The following SRGAP1 variants were observed in gnomAD, a reference collection of about 807,000 sequenced individuals.
The protein encoded by SRGAP1 is SLIT-ROBO Rho GTPase activating protein 1.
In SRGAP1, 43 loss-of-function variants were observed where a neutral mutation model predicts 121.9. The observed-to-expected ratio is 0.35, with a 90% CI of 0.28 to 0.46. SRGAP1 has a LOEUF of 0.46. SRGAP1 is among the 20% of genes least tolerant of loss of function. The pLI is 1.00. For missense variants in SRGAP1, 1,102 were observed against 1,350.9 expected (o/e 0.82, Z 2.89); for synonymous variants, 447 against 485.4 (o/e 0.92, Z 1.04).
intron 3 of SRGAP1, among the ~76,000 whole-genome samples, chr12:64,009,527 C>T (rs1245083023): frequency 6.6e-6 from 1 of 152,106 alleles, no homozygotes; most frequent in Non-Finnish European, 1.5e-5. Context: ...GACTATGCAC[C>T]TTTCAAATTG....
chr12:64,065,190 C>T lies in SRGAP1; in HGVS notation c.1096C>T (p.Leu366Phe), dbSNP rs2035516384. The T allele has an allele frequency of 6.2e-7, 1 of 1,613,474 alleles. No individual in the cohort carries two copies. The highest frequency in any genetic ancestry group is 1.3e-5 in the African/African-American group (1 of 74,902). The change falls in exon 8 of 22, where the codon CTT becomes TTT. Residue 366 changes from leucine to phenylalanine, a missense_variant. This residue lies in a region of SRGAP1 where 747 missense variants were observed against 929.4 expected (regional missense o/e 0.80). Coordinates refer to ENST00000355086, the MANE Select transcript of SRGAP1 (RefSeq NM_020762.4). ...CAGGTACCAACAGTTGCAGTCCCGCCTTGCCACGCTCAAAATCGAGAATGA... is the reference window on the plus strand; with the variant it reads ...CAGGTACCAACAGTTGCAGTCCCGCTTTGCCACGCTCAAAATCGAGAATGA... ...MLRYQQLQSRLATLKIENEEV... is the reference protein window; with the variant it reads ...MLRYQQLQSRFATLKIENEEV...
At chr12:63,913,545 C>A (rs923204875) in intron 1 of SRGAP1, among the ~76,000 whole-genome samples, 13 of 145,954 alleles carry the variant, frequency 8.9e-5, no homozygotes, top group Non-Finnish European at 1.6e-4. Flanking sequence ...TATATATATA[C>A]ACACATATGT....
intron 1 of SRGAP1, among the ~76,000 whole-genome samples, chr12:63,949,186 T>TATTTTTTCCATATATATA (rs57672780): frequency 8.0e-6 from 1 of 124,330 alleles, no homozygotes; most frequent in Non-Finnish European, 1.7e-5. Context: ...TCCATATATA[T>TATTTTTTCCATATATATA]TTTTTTTTCC....
chr12:63,924,358 C>T (rs1349721978), intron 1 of SRGAP1, among the ~76,000 whole-genome samples: 2 of 152,118 alleles, frequency 1.3e-5, no homozygotes, highest in Non-Finnish European at 2.9e-5. Flanking sequence ...CCTCTCATCC[C>T]AACCTAATAG....
rs115328126 is a variant in SRGAP1, at chr12:64,147,440, G to A, written c.*4768G>A. The A allele has an allele frequency of 0.02, 2,067 of 105,746 alleles. 44 individuals carry two copies. Among genetic ancestry groups the A allele is most frequent in the African/African-American group, 0.067 (1,909 of 28,360 alleles). 6.6% of individuals were successfully genotyped at this position (105,746 alleles called of 1,614,324 possible). The stretch of plus-strand genomic sequence containing the variant: ...CCTGTCCCCCACCTTCCCCATCCCC[G>A]CCTTCCTGTGCCTCGGTGCTCAGTA... On this transcript the variant is annotated 3_prime_UTR_variant, in exon 22 of 22. Coordinates refer to ENST00000355086, the MANE Select transcript of SRGAP1 (RefSeq NM_020762.4).
rs1484596304 is a variant in SRGAP1, at chr12:64,150,312, A to T, written c.*7640A>T. 6.6e-6 allele frequency: 1 copy of T among 152,174 alleles called. No homozygotes were observed. The highest frequency in any genetic ancestry group is 1.5e-5 in the Non-Finnish European group (1 of 68,028). The allele number at this position is 152,174 out of a possible 1,614,324, so 9.4% of individuals were successfully genotyped here. A position where few individuals can be genotyped will look rare whatever the true frequency, so the allele number is the denominator to read the frequency against. Reference sequence around the variant, plus strand: ...ATTTGCGATCCAATTCTGGCGACTTATGGATGGATCCTTCACACCCAACAG... The same window carrying T: ...ATTTGCGATCCAATTCTGGCGACTTTTGGATGGATCCTTCACACCCAACAG... On this transcript the variant is annotated 3_prime_UTR_variant, in exon 22 of 22. Transcript: ENST00000355086.
chr12:64,003,563 T>G (rs2033980501), intron 3 of SRGAP1, among the ~76,000 whole-genome samples: 1 of 151,272 alleles, frequency 6.6e-6, no homozygotes, highest in Non-Finnish European at 1.5e-5. Context: ...AAAAATTCAT[T>G]AGATAGACTC....
intron 2 of SRGAP1, among the ~76,000 whole-genome samples, chr12:63,987,139 C>T (rs768797518): frequency 5.9e-5 from 9 of 152,138 alleles, no homozygotes; most frequent in Non-Finnish European, 1.3e-4. Flanking sequence ...GATTGATAAC[C>T]AGCCCAGGAT....
chr12:64,108,593 A>G (rs1288195328), intron 15 of SRGAP1, among the ~76,000 whole-genome samples: 1 of 152,200 alleles, frequency 6.6e-6, no homozygotes, highest in East Asian at 1.9e-4. Flanking sequence ...CCAGAAAGCT[A>G]CTTTGGTTAG....
chr12:64,058,277 C>T (rs7977095), intron 6 of SRGAP1, among the ~76,000 whole-genome samples: 3,647 of 152,220 alleles, frequency 0.024, 130 homozygotes, highest in African/African-American at 0.08. Flanking sequence ...TGCAACTTTT[C>T]GACTTTACAA....
At chr12:63,978,527 A>G (rs1369046536) in intron 1 of SRGAP1, among the ~76,000 whole-genome samples, 1 of 152,202 alleles carries the variant, frequency 6.6e-6, no homozygotes, top group East Asian at 1.9e-4. Context: ...CATGTTGTAA[A>G]TAAGTACTTC....
At chr12:64,026,673 C>T (rs1565646069) in intron 4 of SRGAP1, among the ~76,000 whole-genome samples, 1 of 151,436 alleles carries the variant, frequency 6.6e-6, no homozygotes, top group Non-Finnish European at 1.5e-5. Flanking sequence ...TCGAGACCAG[C>T]CTGGCCAACA....
chr12:64,035,403 A>G (rs989797051), intron 4 of SRGAP1, among the ~76,000 whole-genome samples: 1 of 151,956 alleles, frequency 6.6e-6, no homozygotes, highest in African/African-American at 2.4e-5. Flanking sequence ...CCTTTGTGTC[A>G]CCCCTACTGG....
intron 1 of SRGAP1, among the ~76,000 whole-genome samples, chr12:63,893,964 A>G (rs1310317630): frequency 6.6e-6 from 1 of 152,124 alleles, no homozygotes; most frequent in Non-Finnish European, 1.5e-5. Flanking sequence ...TCGGCCTCTC[A>G]AGTAGCTGGG....
rs530765784 is a variant in SRGAP1 at position 63,877,641 on chromosome 12, A to C, written c.67+32758A>C. On this transcript the variant is annotated intron_variant, in intron 1 of 21. Transcript: ENST00000355086. ...TCTTGATTGCCAAAAATATTAAATT[A>C]TCATTTTATAAAATTTGGGTATAAA... Among the ~76,000 whole-genome samples, 6 of 152,238 alleles carry C rather than the reference A, an allele frequency of 3.9e-5. No homozygotes were observed. In the South Asian group the frequency reaches 1.2e-3, roughly 32 times the overall value.
In SRGAP1 at chr12:64,045,275, T is replaced by G. The variant is rs533367481; in HGVS notation, c.801+1700T>G. On this transcript the variant is annotated intron_variant, in intron 6 of 21. Coordinates refer to ENST00000355086, the MANE Select transcript of SRGAP1 (RefSeq NM_020762.4). ...CCTAAATAAAAGATTTTATTTTAGTTTTTTGAGTAAAAATAAAGAATTTTA... is the reference window on the plus strand; with the variant it reads ...CCTAAATAAAAGATTTTATTTTAGTGTTTTGAGTAAAAATAAAGAATTTTA... Among the ~76,000 whole-genome samples the G allele has an allele frequency of 2.0e-5, 3 of 152,256 alleles. No homozygotes were observed. In the East Asian group the frequency reaches 5.8e-4, roughly 29 times the overall value.
chr12:63,910,737 AT>A (rs1321763671), intron 1 of SRGAP1, among the ~76,000 whole-genome samples: 3 of 152,160 alleles, frequency 2.0e-5, no homozygotes, highest in African/African-American at 7.2e-5. Context: ...ACACCATAAT[AT>A]TTTCTCTTGT....
chr12:63,886,677 C>T (rs2136292048), intron 1 of SRGAP1, among the ~76,000 whole-genome samples: 1 of 151,956 alleles, frequency 6.6e-6, no homozygotes, highest in East Asian at 1.9e-4. Flanking sequence ...CTGCCATGTT[C>T]CCCAGGCTGG....
intron 21 of SRGAP1, among the ~76,000 whole-genome samples, chr12:64,141,806 C>G (rs1350661915): frequency 6.6e-6 from 1 of 151,934 alleles, no homozygotes; most frequent in Non-Finnish European, 1.5e-5. Flanking sequence ...TAAATATTAG[C>G]CAGCTGTGGT....
Sources: gnomAD v4.1 joint callset for allele counts (sites outside exome capture counted in the v4.1 genomes callset) on GRCh38, gnomAD v4.1.1 for gene constraint, gnomAD v4.1.1 regional missense constraint, MANE v1.5 for transcripts, NCBI Gene and HGNC (gene_info 2026-07-23, HGNC 2026-07-21) for gene names.